RBFOX1: variants seen among roughly 807,000 people sequenced by gnomAD.
RBFOX1 encodes RNA binding fox-1 homolog 1.
RBFOX1 carries 8 observed loss-of-function variants against 57.7 expected under a neutral mutation model. The observed-to-expected ratio is 0.14, with a 90% CI of 0.08 to 0.25. RBFOX1 has a LOEUF of 0.25. Among genes scored for constraint, RBFOX1 ranks in the 10% least tolerant of loss-of-function variants. The probability of loss-of-function intolerance (pLI) is 1.00; values close to 1 mark genes in which losing one functional copy is unlikely to be tolerated. For synonymous variants in RBFOX1, 326 were observed against 222.4 expected (o/e 1.47, Z -4.15); for missense variants, 611 against 548.5 (o/e 1.11, Z -1.14).
chr16:7,033,915 G>A (rs1332123873), intron 3 of RBFOX1, among the ~76,000 whole-genome samples: 1 of 152,208 alleles, frequency 6.6e-6, no homozygotes, highest in Admixed American at 6.5e-5. Context: ...GCTGCAGTGA[G>A]CTATGATTGC....
intron 4 of RBFOX1, among the ~76,000 whole-genome samples, chr16:7,215,215 G>A (rs1011654262): frequency 1.3e-5 from 2 of 152,252 alleles, no homozygotes; most frequent in East Asian, 3.9e-4. Context: ...CTTCATCCGT[G>A]TCTCCAAGTG....
intron 4 of RBFOX1, among the ~76,000 whole-genome samples, chr16:7,317,397 C>CTCA (rs1336833778): frequency 2.0e-5 from 3 of 152,116 alleles, no homozygotes; most frequent in Non-Finnish European, 4.4e-5. Context: ...GCTCCCAGAG[C>CTCA]TCAGAATTTT....
chr16:5,699,330 G>C (rs2050952144), intron 3 of RBFOX1, among the ~76,000 whole-genome samples: 2 of 149,720 alleles, frequency 1.3e-5, no homozygotes, highest in Admixed American at 6.6e-5. Flanking sequence ...TGTGATATGG[G>C]TATATTTAGA....
intron 3 of RBFOX1, among the ~76,000 whole-genome samples, chr16:5,625,130 T>C (rs897872455): frequency 2.0e-5 from 3 of 152,192 alleles, no homozygotes; most frequent in Non-Finnish European, 4.4e-5. Context: ...ATGTGAGCCA[T>C]CTTTCTCTTT....
intron 4 of RBFOX1, among the ~76,000 whole-genome samples, chr16:6,005,834 G>C (rs1254737698): frequency 6.6e-6 from 1 of 152,222 alleles, no homozygotes; most frequent in Non-Finnish European, 1.5e-5. Flanking sequence ...GCTGGGTCTT[G>C]AGTCAGGTAT....
At chr16:6,175,396 T>C (rs1010513716) in intron 1 of RBFOX1, among the ~76,000 whole-genome samples, 2 of 152,142 alleles carry the variant, frequency 1.3e-5, no homozygotes, top group Admixed American at 1.3e-4. Context: ...CGCATTAGTA[T>C]GTTAACATTA....
intron 3 of RBFOX1, among the ~76,000 whole-genome samples, chr16:5,668,099 C>G (rs182886734): frequency 6.6e-6 from 1 of 152,042 alleles, no homozygotes; most frequent in African/African-American, 2.4e-5. Flanking sequence ...TGATCAATAT[C>G]GTGAAACTCT....
chr16:7,509,310 A>G (rs2074318140), intron 4 of RBFOX1, among the ~76,000 whole-genome samples: 1 of 152,062 alleles, frequency 6.6e-6, no homozygotes, highest in Admixed American at 6.5e-5. Context: ...AGGGACAAAG[A>G]TGGTTTTGGA....
At chr16:5,672,883 G>A (rs1014595130) in intron 3 of RBFOX1, among the ~76,000 whole-genome samples, 5 of 142,020 alleles carry the variant, frequency 3.5e-5, no homozygotes, top group African/African-American at 1.3e-4. Context: ...GTGTGTGTGT[G>A]TGTGTGTCTG....
chr16:6,986,550 C>T (rs980335061), intron 3 of RBFOX1, among the ~76,000 whole-genome samples: 9 of 152,146 alleles, frequency 5.9e-5, no homozygotes, highest in Admixed American at 6.5e-5. Flanking sequence ...CCTTGGCTTC[C>T]CAAAGTGCTG....
intron 1 of RBFOX1, among the ~76,000 whole-genome samples, chr16:6,289,245 G>T (rs561238085): frequency 1.3e-5 from 2 of 152,174 alleles, no homozygotes; most frequent in South Asian, 4.1e-4. Context: ...GACATTTTTG[G>T]AAGTGTGGAT....
intron 1 of RBFOX1, among the ~76,000 whole-genome samples, chr16:6,289,308 G>A (rs62016193): frequency 0.066 from 10,028 of 152,068 alleles, 403 homozygotes; most frequent in Middle Eastern, 0.14. Context: ...GTGGATATAG[G>A]TGTTATTCTT....
chr16:7,131,244 G>A (rs902360367), intron 4 of RBFOX1, among the ~76,000 whole-genome samples: 1 of 151,642 alleles, frequency 6.6e-6, no homozygotes, highest in African/African-American at 2.4e-5. Context: ...TACTCTGGAG[G>A]CTGAGGCAGG....
intron 2 of RBFOX1, among the ~76,000 whole-genome samples, chr16:5,521,908 TGGATGGAGATGG>T (rs1359733092): frequency 1.3e-5 from 2 of 152,264 alleles, no homozygotes; most frequent in South Asian, 2.1e-4. Context: ...TTGAGATGGA[TGGATGGAGATGG>T]GGATGCCCTG....
At chr16:6,058,248 T>G (rs2095638580) in intron 1 of RBFOX1, among the ~76,000 whole-genome samples, 1 of 152,072 alleles carries the variant, frequency 6.6e-6, no homozygotes, top group Non-Finnish European at 1.5e-5. Flanking sequence ...CATTAATCCC[T>G]GCCCCTATTC....
chr16:5,284,654 G>A (rs1417681690), intron 1 of RBFOX1, among the ~76,000 whole-genome samples: 1 of 146,398 alleles, frequency 6.8e-6, no homozygotes, highest in Non-Finnish European at 1.5e-5. Context: ...TGATCTTCCT[G>A]CCTCAGTCTT....
At chr16:6,774,402 A>C (rs1603619668) in intron 3 of RBFOX1, among the ~76,000 whole-genome samples, 1 of 152,194 alleles carries the variant, frequency 6.6e-6, no homozygotes, top group Non-Finnish European at 1.5e-5. Context: ...GGTTATGATC[A>C]CAATTTCTAA....
At chr16:6,771,021 A>G (rs1437765838) in intron 3 of RBFOX1, among the ~76,000 whole-genome samples, 3 of 152,076 alleles carry the variant, frequency 2.0e-5, no homozygotes, top group African/African-American at 7.2e-5. Flanking sequence ...TGGAGACAGG[A>G]TCCTTAGGAA....
chr16:7,244,271 A>AG (rs923067451), intron 4 of RBFOX1, among the ~76,000 whole-genome samples: 286 of 128,728 alleles, frequency 2.2e-3, no homozygotes, highest in Non-Finnish European at 3.8e-3. Context: ...AAAAAAAAAA[A>AG]CACCCTTGGG....
Sources: allele counts gnomAD v4.1 joint callset (sites outside exome capture counted in the v4.1 genomes callset), GRCh38; gene constraint gnomAD v4.1.1; transcripts MANE v1.5; gene names NCBI Gene and HGNC (gene_info 2026-07-23, HGNC 2026-07-21).